Variants in OSBPL3 observed in about 807,000 individuals in gnomAD.
The protein encoded by OSBPL3 is oxysterol binding protein like 3.
A neutral mutation model predicts 120.1 loss-of-function variants in OSBPL3; 65 were observed. That is an observed-to-expected ratio of 0.54 (90% CI 0.44 to 0.67). The LOEUF (loss-of-function observed/expected upper bound fraction) is 0.67, where lower values mean the gene tolerates loss of function less well. OSBPL3 is among the 30% of genes least tolerant of loss of function. The pLI is 0.00. For missense variants in OSBPL3, 1,004 were observed against 1,082.1 expected (o/e 0.93, Z 1.01); for synonymous variants, 416 against 402.6 (o/e 1.03, Z -0.40).
chr7:24,832,067 T>A (rs1466741187), intron 15 of OSBPL3, among the ~76,000 whole-genome samples: 1 of 151,448 alleles, frequency 6.6e-6, no homozygotes, highest in East Asian at 1.9e-4. Flanking sequence ...CATAGCTGGG[T>A]GTGGTGGCAC....
chr7:24,978,905 G>A (rs1216076883), intron 1 of OSBPL3, among the ~76,000 whole-genome samples: 1 of 152,248 alleles, frequency 6.6e-6, no homozygotes, highest in East Asian at 1.9e-4. Context: ...AAGCACAAGT[G>A]TGCAGAAGGC....
chr7:24,817,013 T>C lies in OSBPL3; in HGVS notation c.1949-325A>G, dbSNP rs980388733. Among the ~76,000 whole-genome samples the C allele has an allele frequency of 1.3e-5, 2 of 152,208 alleles. No individual in the cohort carries two copies. Among genetic ancestry groups the C allele is most frequent in the African/African-American group, 4.8e-5 (2 of 41,448 alleles). On this transcript the variant is annotated intron_variant, in intron 17 of 22. Coordinates refer to ENST00000313367, the MANE Select transcript of OSBPL3 (RefSeq NM_015550.4). This position sits in a 1 kb window ranked among gnomAD's most constrained non-coding sequence, Gnocchi z 4.0. The stretch of plus-strand genomic sequence containing the variant: ...ACCTGAGAAGAAGGAGTGACGAATA[T>C]GCTTGGAGAAAGCATCAGAAGAGGC...
At position 24,830,623 on chromosome 7, in the gene OSBPL3, G is replaced by A. The variant is rs1263519981; in HGVS notation, c.1884+145C>T. 7.4e-6 allele frequency: 6 copies of A among 809,774 alleles called. No homozygotes were observed. Among genetic ancestry groups the A allele is most frequent in the East Asian group, 2.7e-5 (1 of 36,584 alleles). 50.2% of individuals were successfully genotyped at this position (809,774 alleles called of 1,614,324 possible). ...GCTTGGCTTCAGTGGAAGGGAAATC[G>A]ATCCCTCCCTTTATGTTGAAAAGCA... is the stretch of plus-strand genomic sequence containing the variant. On this transcript the variant is annotated intron_variant, in intron 16 of 22. Coordinates refer to ENST00000313367, the MANE Select transcript of OSBPL3 (RefSeq NM_015550.4). This position sits in a 1 kb window ranked among gnomAD's most constrained non-coding sequence, Gnocchi z 4.4.
Position 24,802,149 on chromosome 7 carries a change from C to T in OSBPL3, c.2568-1870G>A, listed in dbSNP as rs1265217087. Reference sequence around the variant, plus strand: ...CACTTGTTTCCCTATTCCAGTAACACTATATGTTTAAAAATGAGTCAATCT... The same window carrying T: ...CACTTGTTTCCCTATTCCAGTAACATTATATGTTTAAAAATGAGTCAATCT... On this transcript the variant is annotated intron_variant, in intron 22 of 22. Coordinates refer to ENST00000313367, the MANE Select transcript of OSBPL3 (RefSeq NM_015550.4). The surrounding 1 kb of genome is among the most constrained non-coding windows in gnomAD (Gnocchi z 4.1). 6.6e-6 allele frequency among the ~76,000 whole-genome samples: 1 copy of T among 152,170 alleles called. No homozygotes were observed. Among genetic ancestry groups the T allele is most frequent in the Non-Finnish European group, 1.5e-5 (1 of 68,016 alleles).
At position 24,852,030 on chromosome 7, in the gene OSBPL3, G is replaced by A. The variant is rs1799221593; in HGVS notation, c.1158+474C>T. Among the ~76,000 whole-genome samples, 1 of 152,220 alleles carries A rather than the reference G, an allele frequency of 6.6e-6. No homozygotes were observed. Among genetic ancestry groups the A allele is most frequent in the Non-Finnish European group, 1.5e-5 (1 of 68,046 alleles). ...CAAACAAAATAGCTCTCATGTCTTT[G>A]AAAGAGTGGTAAACAGGATCAGTGC... On this transcript the variant is annotated intron_variant, in intron 11 of 22. Transcript: ENST00000313367. The surrounding 1 kb of genome is among the most constrained non-coding windows in gnomAD (Gnocchi z 4.1).
intron 1 of OSBPL3, among the ~76,000 whole-genome samples, chr7:24,977,977 T>C (rs1169479077): frequency 6.6e-6 from 1 of 152,256 alleles, no homozygotes; most frequent in Non-Finnish European, 1.5e-5. Context: ...ATCTTTTGGC[T>C]AAGCCATAGC....
intron 1 of OSBPL3, among the ~76,000 whole-genome samples, chr7:24,929,862 T>C (rs75480678): frequency 0.064 from 9,721 of 152,288 alleles, 545 homozygotes; most frequent in East Asian, 0.23. Context: ...AGTGAATCAA[T>C]TGGCAAATCT....
At position 24,873,225 on chromosome 7, in the gene OSBPL3, C is replaced by T. The variant is rs1052677051; in HGVS notation, c.97-1156G>A. Among the ~76,000 whole-genome samples, 1 of 152,146 alleles carries T rather than the reference C, an allele frequency of 6.6e-6. No homozygotes were observed. The highest frequency in any genetic ancestry group is 1.5e-5 in the Non-Finnish European group (1 of 68,040). The stretch of plus-strand genomic sequence containing the variant: ...CTGGGAGATGGACAGTGAGTCTGAA[C>T]CAGCACCAGGGAGCAGGAGGCAGTT... On this transcript the variant is annotated intron_variant, in intron 2 of 22. Coordinates refer to ENST00000313367, the MANE Select transcript of OSBPL3 (RefSeq NM_015550.4). The surrounding 1 kb of genome is among the most constrained non-coding windows in gnomAD (Gnocchi z 4.1).
chr7:24,839,342 C>T (rs17213738), intron 14 of OSBPL3, among the ~76,000 whole-genome samples: 3,881 of 152,296 alleles, frequency 0.025, 79 homozygotes, highest in Middle Eastern at 0.051. Context: ...CTAAACAGGC[C>T]AGTCTGCTTA....
rs959881190 is a variant in OSBPL3 at position 24,965,472 on chromosome 7, T to A, written c.-150+14414A>T. On this transcript the variant is annotated intron_variant, in intron 1 of 22. Transcript: ENST00000313367. This position sits in a 1 kb window ranked among gnomAD's most constrained non-coding sequence, Gnocchi z 4.3. Reference sequence around the variant, plus strand: ...AGTGTTATATAAAATAAGGGGGTTATGACAATCTAATGATAACCAGAATTC... The same window carrying A: ...AGTGTTATATAAAATAAGGGGGTTAAGACAATCTAATGATAACCAGAATTC... Among the ~76,000 whole-genome samples, 1 of 152,194 alleles carries A rather than the reference T, an allele frequency of 6.6e-6. No individual in the cohort carries two copies. Among genetic ancestry groups the A allele is most frequent in the Admixed American group, 6.5e-5 (1 of 15,278 alleles).
chr7:24,908,749 C>T (rs1401413741), intron 1 of OSBPL3, among the ~76,000 whole-genome samples: 1 of 152,212 alleles, frequency 6.6e-6, no homozygotes, highest in Admixed American at 6.5e-5. Context: ...AAAGAAATTA[C>T]TGATGTTCTC....
chr7:24,917,399 A>ATATATATATATATAT (rs1194293107), intron 1 of OSBPL3, among the ~76,000 whole-genome samples: 3 of 42,998 alleles, frequency 7.0e-5, no homozygotes, highest in African/African-American at 3.1e-4. Flanking sequence ...ATATATTTGT[A>ATATATATATATATAT]ACATATATAT....
chr7:24,918,951 G>A lies in OSBPL3; in HGVS notation c.-149-26330C>T, dbSNP rs1447098802. ...TACAATGCTAGATGCTCTTACATAC[G>A]TCACATTATTTAATTCCCCGAATTA... On this transcript the variant is annotated intron_variant, in intron 1 of 22. Transcript: ENST00000313367. This position sits in a 1 kb window ranked among gnomAD's most constrained non-coding sequence, Gnocchi z 4.3. 1.3e-5 allele frequency among the ~76,000 whole-genome samples: 2 copies of A among 152,100 alleles called. No homozygotes were observed. The highest frequency in any genetic ancestry group is 1.9e-4 in the East Asian group (1 of 5,196).
At chr7:24,927,961 A>C (rs755698168) in intron 1 of OSBPL3, among the ~76,000 whole-genome samples, 2 of 152,074 alleles carry the variant, frequency 1.3e-5, no homozygotes, top group African/African-American at 2.4e-5. Context: ...AGGTGATTGG[A>C]TCATGGAGAT....
chr7:24,853,055 C>T (rs1158383770), intron 10 of OSBPL3, among the ~76,000 whole-genome samples: 1 of 152,182 alleles, frequency 6.6e-6, no homozygotes, highest in African/African-American at 2.4e-5. Flanking sequence ...GGCCCCTATC[C>T]ACTGTAATGT....
intron 2 of OSBPL3, among the ~76,000 whole-genome samples, chr7:24,874,125 C>T (rs941884473): frequency 2.0e-5 from 3 of 152,304 alleles, no homozygotes; most frequent in African/African-American, 7.2e-5. Flanking sequence ...AGTCTGCAAA[C>T]AGATTTATCT....
chr7:24,881,088 C>G lies in OSBPL3; in HGVS notation c.97-9019G>C, dbSNP rs1803620705. On this transcript the variant is annotated intron_variant, in intron 2 of 22. Coordinates refer to ENST00000313367, the MANE Select transcript of OSBPL3 (RefSeq NM_015550.4). The surrounding 1 kb of genome is among the most constrained non-coding windows in gnomAD (Gnocchi z 4.3). ...CAGCACCAGCTGAGAACAGTGCTCT[C>G]TCTTACAGAGTGCTCAAAACTATTT... Among the ~76,000 whole-genome samples the G allele has an allele frequency of 6.6e-6, 1 of 152,194 alleles. No individual in the cohort carries two copies. The highest frequency in any genetic ancestry group is 1.5e-5 in the Non-Finnish European group (1 of 68,036).
chr7:24,952,263 GA>G lies in OSBPL3; in HGVS notation c.-150+27622del, dbSNP rs371341978. Among the ~76,000 whole-genome samples, 1 of 151,800 alleles carries G rather than the reference GA, an allele frequency of 6.6e-6. No homozygotes were observed. The highest frequency in any genetic ancestry group is 1.5e-5 in the Non-Finnish European group (1 of 67,932). Reference sequence around the variant, plus strand: ...GGATCTGTAATCTAAACAGAATTAAGAAAAAAAATTAAGAAGCTAAGCACAA... The same window carrying G: ...GGATCTGTAATCTAAACAGAATTAAGAAAAAAATTAAGAAGCTAAGCACAA... On this transcript the variant is annotated intron_variant, in intron 1 of 22. Coordinates refer to ENST00000313367, the MANE Select transcript of OSBPL3 (RefSeq NM_015550.4). This position sits in a 1 kb window ranked among gnomAD's most constrained non-coding sequence, Gnocchi z 4.4.
Position 24,922,787 on chromosome 7 carries a change from C to G in OSBPL3, c.-149-30166G>C, listed in dbSNP as rs1490909007. ...AGGCTTCAGGTCAAGGATCTCTGTC[C>G]AACCCTGTCCCTGCTGCCCTCACCC... On this transcript the variant is annotated intron_variant, in intron 1 of 22. Coordinates refer to ENST00000313367, the MANE Select transcript of OSBPL3 (RefSeq NM_015550.4). This position sits in a 1 kb window ranked among gnomAD's most constrained non-coding sequence, Gnocchi z 4.3. Among the ~76,000 whole-genome samples the G allele has an allele frequency of 6.6e-6, 1 of 152,064 alleles. No individual in the cohort carries two copies. The highest frequency in any genetic ancestry group is 1.5e-5 in the Non-Finnish European group (1 of 68,010).
Sources: gnomAD v4.1 joint callset for allele counts (sites outside exome capture counted in the v4.1 genomes callset) on GRCh38, gnomAD v4.1.1 for gene constraint, Gnocchi (gnomAD v3.1) non-coding constraint, MANE v1.5 for transcripts, NCBI Gene and HGNC (gene_info 2026-07-23, HGNC 2026-07-21) for gene names.